IMMP2L: variants seen among roughly 807,000 people sequenced by gnomAD.
IMMP2L encodes the protein inner mitochondrial membrane peptidase subunit 2, also known as mitochondrial inner membrane protease subunit 2.
Under a neutral mutation model 19.3 loss-of-function variants are expected in IMMP2L, and 18 were observed. The ratio of observed to expected loss-of-function variants is 0.93; its 90% CI spans 0.64 to 1.38. The LOEUF (loss-of-function observed/expected upper bound fraction) is 1.38, where lower values mean the gene tolerates loss of function less well. Among genes scored for constraint, IMMP2L ranks in the 40% most tolerant of loss-of-function variants. The probability of loss-of-function intolerance (pLI) is 0.00; values close to 1 mark genes in which losing one functional copy is unlikely to be tolerated. For synonymous variants in IMMP2L, 76 were observed against 73.0 expected (o/e 1.04, Z -0.21); for missense variants, 233 against 218.2 (o/e 1.07, Z -0.43).
chr7:110,725,581 A>G (rs1044160584), intron 5 of IMMP2L: 4 of 152,176 alleles, frequency 2.6e-5, no homozygotes, highest in African/African-American at 9.6e-5. Context: ...CAAAAATAAG[A>G]GGGGAAAGAA....
intron 5 of IMMP2L, among the ~76,000 whole-genome samples, chr7:110,725,262 G>C (rs1204870592): frequency 3.9e-5 from 6 of 151,984 alleles, no homozygotes; most frequent in Non-Finnish European, 7.4e-5. Flanking sequence ...GCTTTCATTT[G>C]GCATTAATAT....
Position 111,016,559 on chromosome 7 carries a change from AATAT to A in IMMP2L, c.240-52998_240-52995del, listed in dbSNP as rs1485119987. 9.8e-3 allele frequency among the ~76,000 whole-genome samples: 1,168 copies of A among 118,752 alleles called. 22 individuals are homozygous for A. Among genetic ancestry groups the A allele is most frequent in the African/African-American group, 0.037 (1,079 of 29,522 alleles). 77.9% of individuals were successfully genotyped at this position (118,752 alleles called of 152,430 possible). A position where few individuals can be genotyped will look rare whatever the true frequency, so the allele number is the denominator to read the frequency against. On this transcript the variant is annotated intron_variant, in intron 3 of 5. Transcript: ENST00000405709. Reference sequence around the variant, plus strand: ...ATATATTATAATATATAGTATATATAATATATAATACATACATATACATATATGT... The same window carrying A: ...ATATATTATAATATATAGTATATATAATAATACATACATATACATATATGT...
At chr7:110,894,573 G>A (rs799640) in intron 4 of IMMP2L, among the ~76,000 whole-genome samples, 19,552 of 152,076 alleles carry the variant, frequency 0.13, 4,151 homozygotes, top group African/African-American at 0.44. Context: ...TTGTCTTATT[G>A]CTGAGTTGTA....
intron 5 of IMMP2L, among the ~76,000 whole-genome samples, chr7:110,755,415 T>C (rs544330886): frequency 6.6e-6 from 1 of 152,242 alleles, no homozygotes; most frequent in African/African-American, 2.4e-5. Context: ...TTTTTAAAAC[T>C]TAAGTACTTA....
At chr7:111,037,242 T>A (rs2129570148) in intron 3 of IMMP2L, among the ~76,000 whole-genome samples, 1 of 152,262 alleles carries the variant, frequency 6.6e-6, no homozygotes, top group South Asian at 2.1e-4. Flanking sequence ...AATCTTAAGA[T>A]TTATATTTTC....
chr7:110,789,205 T>C (rs546795758), intron 5 of IMMP2L, among the ~76,000 whole-genome samples: 65 of 151,940 alleles, frequency 4.3e-4, no homozygotes, highest in Non-Finnish European at 8.1e-4. Context: ...AGGCTTTAGA[T>C]ATTGTCGAAT....
At chr7:111,253,412 T>A (rs1024078505) in intron 3 of IMMP2L, among the ~76,000 whole-genome samples, 5 of 152,014 alleles carry the variant, frequency 3.3e-5, no homozygotes, top group African/African-American at 1.2e-4. Flanking sequence ...GGGAGGGCTG[T>A]CAGGGAAGAG....
intron 3 of IMMP2L, among the ~76,000 whole-genome samples, chr7:111,407,438 T>G (rs960964554): frequency 6.6e-5 from 10 of 151,852 alleles, no homozygotes; most frequent in Non-Finnish European, 1.2e-4. Context: ...ATTAACAAAA[T>G]GAGGTGCATC....
chr7:111,490,506 C>T (rs942642265), intron 2 of IMMP2L, among the ~76,000 whole-genome samples: 3 of 152,022 alleles, frequency 2.0e-5, no homozygotes, highest in African/African-American at 7.2e-5. Context: ...TCCAACCAGT[C>T]AGCAAGCTAA....
intron 4 of IMMP2L, among the ~76,000 whole-genome samples, chr7:110,929,143 TA>T (rs1274440665): frequency 1.3e-5 from 2 of 152,138 alleles, no homozygotes; most frequent in African/African-American, 4.8e-5. Flanking sequence ...AGATGAGACT[TA>T]AGTGTACATG....
intron 5 of IMMP2L, among the ~76,000 whole-genome samples, chr7:110,806,738 T>C (rs1473991569): frequency 6.6e-6 from 1 of 152,024 alleles, no homozygotes; most frequent in Non-Finnish European, 1.5e-5. Context: ...AGAAATATGA[T>C]CCAATTTAAA....
intron 3 of IMMP2L, among the ~76,000 whole-genome samples, chr7:111,447,927 A>G (rs866766051): frequency 4.4e-4 from 65 of 146,624 alleles, no homozygotes; most frequent in Middle Eastern, 3.4e-3. Context: ...GATAAAACAG[A>G]CTTTAAACCA....
chr7:111,313,764 C>A (rs115682281), intron 3 of IMMP2L, among the ~76,000 whole-genome samples: 3,465 of 152,112 alleles, frequency 0.023, 135 homozygotes, highest in African/African-American at 0.079. Context: ...TACAGGAGAG[C>A]CAACTACAAC....
chr7:111,458,080 C>T (rs1839826653), intron 3 of IMMP2L, among the ~76,000 whole-genome samples: 1 of 152,058 alleles, frequency 6.6e-6, no homozygotes, highest in African/African-American at 2.4e-5. Context: ...AGACTTTGAT[C>T]AATTTTTATA....
At chr7:111,483,306 T>C (rs1355659258) in intron 3 of IMMP2L, 2 of 152,150 alleles carry the variant, frequency 1.3e-5, no homozygotes, top group African/African-American at 4.8e-5. Flanking sequence ...TATATTATTG[T>C]GAAATAGTGC....
In IMMP2L at chr7:111,126,659, T is replaced by TA. The variant is rs538819225; in HGVS notation, c.240-163095dup. Reference sequence around the variant, plus strand: ...ATATAGGGAATATACGGATTTCACTTAAAAAAAAAGAGAATTAAGATTTTT... The same window carrying TA: ...ATATAGGGAATATACGGATTTCACTTAAAAAAAAAAGAGAATTAAGATTTTT... On this transcript the variant is annotated intron_variant, in intron 3 of 5. Transcript: ENST00000405709. 2.2e-4 allele frequency among the ~76,000 whole-genome samples: 33 copies of TA among 151,022 alleles called. 1 individual carries two copies. Among genetic ancestry groups the TA allele is most frequent in the South Asian group, 1.3e-3 (6 of 4,774 alleles).
intron 5 of IMMP2L, among the ~76,000 whole-genome samples, chr7:110,794,876 A>G (rs1800755794): frequency 6.6e-6 from 1 of 152,138 alleles, no homozygotes; most frequent in African/African-American, 2.4e-5. Flanking sequence ...AATAATGACT[A>G]GATATATACA....
At chr7:110,845,268 A>G (rs1298627999) in intron 5 of IMMP2L, among the ~76,000 whole-genome samples, 2 of 152,166 alleles carry the variant, frequency 1.3e-5, no homozygotes, top group East Asian at 1.9e-4. Context: ...AAAGATAGTA[A>G]TTGATGAATG....
intron 3 of IMMP2L, among the ~76,000 whole-genome samples, chr7:111,318,760 T>A (rs1209328331): frequency 6.6e-6 from 1 of 152,154 alleles, no homozygotes; most frequent in Non-Finnish European, 1.5e-5. Context: ...TAGATTCTTT[T>A]AAAAATATTT....
Sources: gnomAD v4.1 joint callset for allele counts (sites outside exome capture counted in the v4.1 genomes callset) on GRCh38, gnomAD v4.1.1 for gene constraint, MANE v1.5 for transcripts, NCBI Gene and HGNC (gene_info 2026-07-23, HGNC 2026-07-21) for gene names.